Variants in PLXNA1 observed in about 807,000 individuals in gnomAD.
The protein encoded by PLXNA1 is plexin-A1.
Under a neutral mutation model 191.7 loss-of-function variants are expected in PLXNA1, and 77 were observed. The observed-to-expected ratio is 0.40, with a 90% CI of 0.33 to 0.49. The LOEUF is 0.49. Among genes scored for constraint, PLXNA1 ranks in the 20% least tolerant of loss-of-function variants. The probability of loss-of-function intolerance (pLI) is 0.63; values close to 1 mark genes in which losing one functional copy is unlikely to be tolerated. For synonymous variants in PLXNA1, 1,137 were observed against 1,156.4 expected (o/e 0.98, Z 0.34); for missense variants, 2,110 against 2,660.2 (o/e 0.79, Z 4.55).
rs746248245 is a variant in PLXNA1, at chr3:127,032,591, G to C, written c.5436G>C (p.Trp1812Cys). ...AGGACATCCCCAACTACAAGAGCTG[G>C]GTGGAGAGGTAGGTGGAGGGTGCAG... ...YAKDIPNYKS[W>C]VERYYADIAK... The change falls in exon 30 of 32, where the codon TGG becomes TGC. Residue 1812 changes from tryptophan (W) to cysteine (C), a missense_variant. This residue lies in a region of PLXNA1 where 559 missense variants were observed against 911.5 expected (regional missense o/e 0.61). Transcript: ENST00000393409. The C allele has an allele frequency of 1.2e-6, 2 of 1,613,714 alleles. No individual in the cohort carries two copies. Among genetic ancestry groups the C allele is most frequent in the Non-Finnish European group, 1.7e-6 (2 of 1,179,892 alleles).
At chr3:126,991,716 G>T in intron 3 of PLXNA1, 150 bp downstream of exon 3, 2 of 894,976 alleles carry the variant, frequency 2.2e-6, no homozygotes, top group Non-Finnish European at 1.6e-6. Context: ...CCTACACTAG[G>T]CCCAGTGACC....
At chr3:127,000,649 C>T (rs1217423673) in intron 3 of PLXNA1, among the ~76,000 whole-genome samples, 5 of 152,210 alleles carry the variant, frequency 3.3e-5, no homozygotes, top group Non-Finnish European at 7.3e-5. Context: ...TCTCAGCTTA[C>T]CTCCTGTCTG....
At chr3:127,011,100 G>A (rs2079093428) in intron 9 of PLXNA1, among the ~76,000 whole-genome samples, 1 of 152,224 alleles carries the variant, frequency 6.6e-6, no homozygotes, top group African/African-American at 2.4e-5. Flanking sequence ...GGGAGGTACA[G>A]CATAGGTATG....
At chr3:127,025,692 T>TG (rs1309501027) in intron 23 of PLXNA1, among the ~76,000 whole-genome samples, 1 of 152,236 alleles carries the variant, frequency 6.6e-6, no homozygotes, top group African/African-American at 2.4e-5. Context: ...AGTGGAATCA[T>TG]GCATTGTTTG....
rs2079156010 is a variant in PLXNA1 at position 127,022,336 on chromosome 3, G to A, written c.4290G>A (p.Leu1430=). Residue 1430 remains leucine (L), a synonymous_variant, in exon 22 of 32, where the codon CTG becomes CTA. Transcript: ENST00000393409. ...GCAAGAACCACCCCAAGCTGCTACT[G>A]CGCCGGTGAGCCTGGGGGGCACTGG... The part of the protein sequence containing the change: ...LESKNHPKLL[L]RRTESVAEKM... 6.2e-7 allele frequency: 1 copy of A among 1,609,160 alleles called. No individual in the cohort carries two copies. Among genetic ancestry groups the A allele is most frequent in the South Asian group, 1.1e-5 (1 of 91,020 alleles).
At chr3:127,004,030 G>C (rs973276547) in intron 4 of PLXNA1, among the ~76,000 whole-genome samples, 48 of 152,248 alleles carry the variant, frequency 3.2e-4, no homozygotes, top group Non-Finnish European at 3.5e-4. Flanking sequence ...TGGAGGGTGG[G>C]CAGATGGGGC....
chr3:127,029,329 G>C lies in PLXNA1; in HGVS notation c.4774-111G>C, dbSNP rs952278889. The C allele has an allele frequency of 3.9e-6, 4 of 1,022,022 alleles. No individual in the cohort carries two copies. The African/African-American group carries it at 6.3e-5, about 16-fold the overall frequency. 63.3% of individuals were successfully genotyped at this position (1,022,022 alleles called of 1,614,324 possible). A position where few individuals can be genotyped will look rare whatever the true frequency, so the allele number is the denominator to read the frequency against. On this transcript the variant is annotated intron_variant, in intron 26 of 31. Coordinates refer to ENST00000393409, the MANE Select transcript of PLXNA1 (RefSeq NM_032242.4). ...GAGTTCCAGACTGAGTGAGGTGGCT[G>C]CCTCCAGGCACAGCACTAGGGTGTC...
At chr3:127,025,821 TAGAA>T (rs1311992597) in intron 23 of PLXNA1, among the ~76,000 whole-genome samples, 3 of 152,244 alleles carry the variant, frequency 2.0e-5, no homozygotes, top group African/African-American at 4.8e-5. Flanking sequence ...TAGTCTGCCT[TAGAA>T]AGGAAGGAAA....
chr3:127,015,724 A>G lies in PLXNA1; in HGVS notation c.3014+404A>G, dbSNP rs182524009. 1.2e-4 allele frequency among the ~76,000 whole-genome samples: 18 copies of G among 152,322 alleles called. No homozygotes were observed. The East Asian group carries it at 3.5e-3, about 29-fold the overall frequency. On this transcript the variant is annotated intron_variant, in intron 15 of 31. Coordinates refer to ENST00000393409, the MANE Select transcript of PLXNA1 (RefSeq NM_032242.4). ...GGAATGTCCCTTTAAATATTTTCCTATGGTAATTACCCGTTATCAGACTAA... is the reference window on the plus strand; with the variant it reads ...GGAATGTCCCTTTAAATATTTTCCTGTGGTAATTACCCGTTATCAGACTAA...
intron 3 of PLXNA1, among the ~76,000 whole-genome samples, chr3:127,000,267 CCCGTTCCCATGCCCG>C (rs2079033537): frequency 6.6e-6 from 1 of 152,150 alleles, no homozygotes; most frequent in African/African-American, 2.4e-5. Flanking sequence ...ATGCCTGTGG[CCCGTTCCCATGCCCG>C]GGACACGTCA....
chr3:127,034,318 A>T lies in PLXNA1; in HGVS notation c.*301A>T. The T allele has an allele frequency of 3.2e-6, 1 of 310,894 alleles. No homozygotes were observed. The highest frequency in any genetic ancestry group is 6.0e-6 in the Non-Finnish European group (1 of 167,162). 19.3% of individuals were successfully genotyped at this position (310,894 alleles called of 1,614,324 possible). On this transcript the variant is annotated 3_prime_UTR_variant, in exon 32 of 32. Coordinates refer to ENST00000393409, the MANE Select transcript of PLXNA1 (RefSeq NM_032242.4). ...TGGCAAGAGCTGCCCAGTGGCCTTC[A>T]TGGGAGAAGGGCTGACCTCTGAGGG...
At chr3:127,013,980 C>A in intron 10 of PLXNA1, 40 bp from the exon 11 acceptor site, 1 of 1,586,280 alleles carries the variant, frequency 6.3e-7, no homozygotes, top group East Asian at 2.2e-5. Flanking sequence ...GGCCTGGAGG[C>A]CGCTTAGCTG....
chr3:126,989,026 G>A lies in PLXNA1; in HGVS notation c.433G>A (p.Asp145Asn), dbSNP rs2078975765. 1.9e-6 allele frequency: 3 copies of A among 1,613,188 alleles called. No individual in the cohort carries two copies. Among genetic ancestry groups the A allele is most frequent in the African/African-American group, 1.3e-5 (1 of 74,944 alleles). Residue 145 changes from aspartate to asparagine, a missense_variant, in exon 2 of 32, where the codon GAT becomes AAT. Coordinates refer to ENST00000393409, the MANE Select transcript of PLXNA1 (RefSeq NM_032242.4). The stretch of plus-strand genomic sequence containing the variant: ...CATCTGCCAGTTCCTGCGTCTGGAC[G>A]ATCTCTTCAAACTGGGTGAGCCACA... ...QGICQFLRLD[D>N]LFKLGEPHHR...
intron 17 of PLXNA1, 134 bp downstream of exon 17, chr3:127,017,171 C>G: frequency 1.0e-6 from 1 of 1,003,934 alleles, no homozygotes; most frequent in Non-Finnish European, 1.5e-6. Flanking sequence ...TTGGCTGTGC[C>G]TGGAGACCCC....
intron 10 of PLXNA1, 34 bp from the exon 11 acceptor site, chr3:127,013,986 A>G: frequency 6.3e-7 from 1 of 1,597,682 alleles, no homozygotes; most frequent in Non-Finnish European, 8.6e-7. Flanking sequence ...GAGGCCGCTT[A>G]GCTGGGAAGC....
chr3:127,028,057 A>T lies in PLXNA1; in HGVS notation c.4480A>T (p.Ile1494Phe). Residue 1494 changes from isoleucine (I) to phenylalanine (F), a missense_variant, in exon 24 of 32, where the codon ATC (isoleucine) becomes TTC (phenylalanine). Ile to Phe is a conservative substitution (Grantham distance 21). Coordinates refer to ENST00000393409, the MANE Select transcript of PLXNA1 (RefSeq NM_032242.4). ...ARYSLSEDKL[I>F]RQQIDYKTLT... ...CTACTCCCTGAGTGAGGACAAGCTC[A>T]TCCGGCAGCAGATTGACTACAAGAC... 1 of 1,612,432 alleles carries T rather than the reference A, an allele frequency of 6.2e-7. No individual in the cohort carries two copies. The highest frequency in any genetic ancestry group is 8.5e-7 in the Non-Finnish European group (1 of 1,178,528).
intron 23 of PLXNA1, chr3:127,027,584 C>T (rs1331933283): frequency 2.7e-5 from 12 of 440,446 alleles, no homozygotes; most frequent in South Asian, 1.0e-4. Context: ...TGGAGCTAGG[C>T]GGGGATCCTG....
At chr3:126,997,381 G>A (rs759304842) in intron 3 of PLXNA1, among the ~76,000 whole-genome samples, 2 of 152,202 alleles carry the variant, frequency 1.3e-5, no homozygotes, top group African/African-American at 4.8e-5. Flanking sequence ...GGCAGTGCCC[G>A]GCAGCATGTG....
At chr3:127,005,057 C>T (rs1334972816) in intron 6 of PLXNA1, 33 bp from the exon 7 acceptor site, 2 of 1,610,478 alleles carry the variant, frequency 1.2e-6, no homozygotes, top group East Asian at 2.2e-5. Context: ...GCCATGGGGA[C>T]CCTGCTCACC....
Sources: gnomAD v4.1 joint callset for allele counts (sites outside exome capture counted in the v4.1 genomes callset) on GRCh38, gnomAD v4.1.1 for gene constraint, gnomAD v4.1.1 regional missense constraint, MANE v1.5 for transcripts, NCBI Gene and HGNC (gene_info 2026-07-23, HGNC 2026-07-21) for gene names.